NOX4: variants seen among roughly 807,000 people sequenced by gnomAD.
The protein encoded by NOX4 is kidney oxidase-1.
In NOX4, 69 loss-of-function variants were observed where a neutral mutation model predicts 87.6. The observed-to-expected ratio is 0.79, with a 90% CI of 0.65 to 0.96. NOX4 has a LOEUF of 0.96. NOX4 is among the 40% of genes least tolerant of loss of function. The pLI, the probability that NOX4 is intolerant of heterozygous loss-of-function variation, is 0.00. For missense variants in NOX4, 680 were observed against 681.5 expected, an observed-to-expected ratio of 1.00 and a Z score of 0.02; for synonymous variants, 275 against 238.2, an observed-to-expected ratio of 1.15 and a Z score of -1.42.
chr11:89,542,731 C>T, the NOX4 span, among the ~76,000 whole-genome samples: 8 of 152,150 alleles, frequency 5.3e-5, no homozygotes, highest in East Asian at 3.9e-4. Context: ...CAATGAGCAT[C>T]GCATCCTGGG....
the NOX4 span, among the ~76,000 whole-genome samples, chr11:89,574,819 A>T: frequency 1.3e-5 from 2 of 152,362 alleles, no homozygotes; most frequent in African/African-American, 2.4e-5. Context: ...GGATGAAGAC[A>T]GACACATTTT....
the NOX4 span, among the ~76,000 whole-genome samples, chr11:89,568,133 C>T: frequency 6.6e-6 from 1 of 152,174 alleles, no homozygotes; most frequent in Non-Finnish European, 1.5e-5. Context: ...CAAGAGTGCT[C>T]AGCTGAGCCT....
chr11:89,416,217 G>T (rs1201637607), intron 8 of NOX4, among the ~76,000 whole-genome samples: 1 of 152,130 alleles, frequency 6.6e-6, no homozygotes, highest in Non-Finnish European at 1.5e-5. Flanking sequence ...AAATGTACAG[G>T]CAAGAAATGG....
At position 89,402,487 on chromosome 11, in the gene NOX4, G is replaced by C; in HGVS notation, c.685C>G (p.Leu229Val). The C allele has an allele frequency of 1.2e-6, 2 of 1,612,374 alleles. No individual in the cohort carries two copies. Among genetic ancestry groups the C allele is most frequent in the Non-Finnish European group, 1.7e-6 (2 of 1,179,406 alleles). The change falls in exon 9 of 18, where the codon CTT becomes GTT. Residue 229 changes from leucine (L) to valine (V), a missense_variant. Physicochemically the swap from Leu to Val is conservative, Grantham distance 32. Coordinates refer to ENST00000263317, the MANE Select transcript of NOX4 (RefSeq NM_016931.5). ...ATATTCTGAGAGCTGGTTCGGTTAA[G>C]ACTGATGCAGCCGGGAGGGTGGGTA... ...LDTHPPGCISLNRTSSQNISL... is the reference protein window; with the variant it reads ...LDTHPPGCISVNRTSSQNISL...
intron 13 of NOX4, among the ~76,000 whole-genome samples, chr11:89,347,119 C>T (rs1449315294): frequency 2.0e-5 from 3 of 152,134 alleles, no homozygotes; most frequent in Admixed American, 6.5e-5. Flanking sequence ...TAATGAAAGA[C>T]ATTATGTATA....
intron 5 of NOX4, among the ~76,000 whole-genome samples, chr11:89,441,302 C>T (rs1451885129): frequency 6.6e-6 from 1 of 152,074 alleles, no homozygotes; most frequent in African/African-American, 2.4e-5. Flanking sequence ...TGTATGATTT[C>T]CTTTAAACTA....
chr11:89,466,092 C>T (rs1295795927), intron 2 of NOX4, among the ~76,000 whole-genome samples: 3 of 152,168 alleles, frequency 2.0e-5, no homozygotes, highest in African/African-American at 7.2e-5. Flanking sequence ...AGAGGGCCCT[C>T]ATCAAACCCT....
At chr11:89,361,604 G>C (rs1938531522) in intron 12 of NOX4, among the ~76,000 whole-genome samples, 1 of 151,770 alleles carries the variant, frequency 6.6e-6, no homozygotes, top group Admixed American at 6.6e-5. Flanking sequence ...AAAAACTATT[G>C]AAACAAAACA....
the NOX4 span, among the ~76,000 whole-genome samples, chr11:89,568,691 T>C: frequency 3.3e-5 from 5 of 152,172 alleles, no homozygotes; most frequent in Non-Finnish European, 5.9e-5. Flanking sequence ...TTCCAAAATT[T>C]ATAGGGAACC....
intron 12 of NOX4, 135 bp downstream of exon 12, chr11:89,373,297 A>C (rs1348163945): frequency 5.8e-5 from 26 of 451,818 alleles, no homozygotes; most frequent in South Asian, 3.0e-4. Flanking sequence ...AAAAAAAAAA[A>C]ACAAAAAAAA....
chr11:89,401,942 T>C (rs950900131), intron 9 of NOX4, among the ~76,000 whole-genome samples: 6 of 152,054 alleles, frequency 3.9e-5, no homozygotes, highest in Non-Finnish European at 5.9e-5. Context: ...TACAATATTA[T>C]ACATAATAAT....
intron 2 of NOX4, among the ~76,000 whole-genome samples, chr11:89,474,314 T>C (rs1180718855): frequency 6.6e-6 from 1 of 152,080 alleles, no homozygotes; most frequent in Non-Finnish European, 1.5e-5. Context: ...TTAATCTTTT[T>C]TTTCTCTAAA....
At chr11:89,516,569 A>T in the NOX4 span, among the ~76,000 whole-genome samples, 2 of 152,038 alleles carry the variant, frequency 1.3e-5, no homozygotes, top group African/African-American at 4.8e-5. Flanking sequence ...TAGCAAACTC[A>T]TATCTTACCT....
chr11:89,457,446 C>A (rs1312775720), intron 2 of NOX4, among the ~76,000 whole-genome samples: 1 of 152,176 alleles, frequency 6.6e-6, no homozygotes, highest in African/African-American at 2.4e-5. Flanking sequence ...CAGGAGTAAA[C>A]CCTGCCAGCA....
chr11:89,404,049 AT>A (rs949489804), intron 8 of NOX4, among the ~76,000 whole-genome samples: 7 of 125,270 alleles, frequency 5.6e-5, no homozygotes, highest in Admixed American at 9.0e-5. Flanking sequence ...ACAAACATAC[AT>A]TTTTTTTAAA....
the NOX4 span, among the ~76,000 whole-genome samples, chr11:89,559,887 T>C: frequency 1.3e-5 from 2 of 152,104 alleles, no homozygotes; most frequent in African/African-American, 4.8e-5. Context: ...AAAAGCTTGA[T>C]ACGTTAAACC....
Position 89,325,125 on chromosome 11 carries a change from T to TA in NOX4, c.*1630_*1631insT, listed in dbSNP as rs1945174193. On this transcript the variant is annotated 3_prime_UTR_variant, in exon 18 of 18. Coordinates refer to ENST00000263317, the MANE Select transcript of NOX4 (RefSeq NM_016931.5). ...ATGAATGCTTTAATTCTTTTTTTTTTTTTTTTTTTTTTTTTTTGAGATGGA... is the reference window on the plus strand; with the variant it reads ...ATGAATGCTTTAATTCTTTTTTTTTTATTTTTTTTTTTTTTTTTGAGATGGA... 1 of 124,682 alleles carries TA rather than the reference T, an allele frequency of 8.0e-6. No homozygotes were observed. Among genetic ancestry groups the TA allele is most frequent in the African/African-American group, 3.6e-5 (1 of 27,888 alleles). The allele number at this position is 124,682 out of a possible 1,614,324, so 7.7% of individuals were successfully genotyped here. A position where few individuals can be genotyped will look rare whatever the true frequency, so the allele number is the denominator to read the frequency against.
At chr11:89,354,005 C>A (rs1477128872) in intron 13 of NOX4, among the ~76,000 whole-genome samples, 1 of 152,086 alleles carries the variant, frequency 6.6e-6, no homozygotes, top group Admixed American at 6.6e-5. Context: ...TAGGATTCTG[C>A]ATTTATTTTT....
intron 11 of NOX4, among the ~76,000 whole-genome samples, chr11:89,399,440 T>TATAA (rs769674701): frequency 0.17 from 18,685 of 109,992 alleles, 1,652 homozygotes; most frequent in Non-Finnish European, 0.19. Flanking sequence ...TAAATATATA[T>TATAA]ATATATATAT....
Sources: allele counts gnomAD v4.1 joint callset (sites outside exome capture counted in the v4.1 genomes callset), GRCh38; gene constraint gnomAD v4.1.1; transcripts MANE v1.5; gene names NCBI Gene and HGNC (gene_info 2026-07-23, HGNC 2026-07-21).